The following ADD1 variants were observed in gnomAD, a reference collection of about 807,000 sequenced individuals.
ADD1 encodes alpha-adducin.
In ADD1, 24 loss-of-function variants were observed where a neutral mutation model predicts 80.5. The ratio of observed to expected loss-of-function variants is 0.30; its 90% CI spans 0.22 to 0.42. ADD1 has a LOEUF of 0.42. ADD1 is among the 10% of genes least tolerant of loss of function. The pLI, the probability that ADD1 is intolerant of heterozygous loss-of-function variation, is 1.00. For synonymous variants in ADD1, 373 were observed against 393.8 expected (o/e 0.95, Z 0.63); for missense variants, 948 against 1,019.0 (o/e 0.93, Z 0.95).
chr4:2,860,885 A>G (rs1004397895), intron 1 of ADD1, among the ~76,000 whole-genome samples: 8 of 152,222 alleles, frequency 5.3e-5, no homozygotes, highest in African/African-American at 1.7e-4. Flanking sequence ...TTTGAACTCA[A>G]GCAGTCTAGC....
intron 1 of ADD1, among the ~76,000 whole-genome samples, chr4:2,872,689 T>G (rs1730640420): frequency 6.6e-6 from 1 of 152,198 alleles, no homozygotes; most frequent in Non-Finnish European, 1.5e-5. Context: ...CCTGAGTAGC[T>G]GAGACTACAG....
At chr4:2,858,378 T>C (rs888035219) in intron 1 of ADD1, among the ~76,000 whole-genome samples, 1 of 152,100 alleles carries the variant, frequency 6.6e-6, no homozygotes, top group Non-Finnish European at 1.5e-5. Flanking sequence ...GATTCTCATT[T>C]TACAGATGAA....
At chr4:2,864,644 C>T (rs926436054) in intron 1 of ADD1, among the ~76,000 whole-genome samples, 1 of 151,838 alleles carries the variant, frequency 6.6e-6, no homozygotes, top group Non-Finnish European at 1.5e-5. Context: ...GCCAGGTGGC[C>T]CTATGCTTAT....
chr4:2,904,191 T>A (rs1182555572), intron 9 of ADD1, among the ~76,000 whole-genome samples: 2 of 152,226 alleles, frequency 1.3e-5, no homozygotes, highest in East Asian at 3.9e-4. Flanking sequence ...AGTGTTCAGT[T>A]TGTTCATTTT....
intron 2 of ADD1, 149 bp downstream of exon 2, chr4:2,876,259 ATTCAG>A: frequency 1.6e-6 from 1 of 641,612 alleles, no homozygotes; most frequent in Non-Finnish European, 2.5e-6. Context: ...TGTTGAAAGA[ATTCAG>A]TTCAGTTCAT....
intron 10 of ADD1, among the ~76,000 whole-genome samples, chr4:2,906,643 CTT>C (rs1380194396): frequency 6.6e-6 from 1 of 152,202 alleles, no homozygotes; most frequent in African/African-American, 2.4e-5. Flanking sequence ...AGGTTGGTAT[CTT>C]TTCATTTATA....
rs1279233375 is a variant in ADD1, at chr4:2,894,460, G to A, written c.592-122G>A. The A allele has an allele frequency of 8.5e-5, 71 of 838,548 alleles. No homozygotes were observed. The South Asian group carries it at 9.8e-4, about 12-fold the overall frequency. The allele number at this position is 838,548 out of a possible 1,614,324, so 51.9% of individuals were successfully genotyped here. On this transcript the variant is annotated intron_variant, in intron 5 of 15. Coordinates refer to ENST00000683351, the MANE Select transcript of ADD1 (RefSeq NM_001354761.2). ...TGTTTGAACCTGGGAGGTGGAGGCC[G>A]AGGTCGCACCACTGCACTCCAGCCT...
intron 1 of ADD1, among the ~76,000 whole-genome samples, chr4:2,849,065 C>G (rs1726689131): frequency 6.6e-6 from 1 of 152,092 alleles, no homozygotes; most frequent in African/African-American, 2.4e-5. Context: ...GTAGATGTTT[C>G]CAGATTATCC....
At chr4:2,909,263 G>C (rs1378988774) in intron 12 of ADD1, 76 bp from the exon 13 acceptor site, 2 of 1,282,286 alleles carry the variant, frequency 1.6e-6, no homozygotes, top group African/African-American at 3.0e-5. Context: ...CTCTTAGCCA[G>C]CTCCATCCTG....
At chr4:2,910,584 A>C (rs1055170147) in intron 13 of ADD1, among the ~76,000 whole-genome samples, 1 of 152,006 alleles carries the variant, frequency 6.6e-6, no homozygotes, top group Non-Finnish European at 1.5e-5. Context: ...TGTGCAGGCC[A>C]TGAGCCCAGC....
At position 2,919,254 on chromosome 4, in the gene ADD1, T is replaced by C. The variant is rs192059504; in HGVS notation, c.1948+4214T>C. Among the ~76,000 whole-genome samples, 1,413 of 152,330 alleles carry C rather than the reference T, an allele frequency of 9.3e-3. 24 individuals are homozygous for C. The highest frequency in any genetic ancestry group is 0.032 in the African/African-American group (1,329 of 41,572). The stretch of plus-strand genomic sequence containing the variant: ...TTTGCCAGTATTTCATTGAGGATTT[T>C]TGCATTGATGTTCATCAGGGATATT... On this transcript the variant is annotated intron_variant, in intron 14 of 15. Transcript: ENST00000683351.
rs1189586544 is a variant in ADD1, at chr4:2,928,600, C to G, written c.*77C>G. The G allele has an allele frequency of 2.0e-6, 3 of 1,486,698 alleles. No individual in the cohort carries two copies. Among genetic ancestry groups the G allele is most frequent in the Non-Finnish European group, 2.8e-6 (3 of 1,088,730 alleles). 92.1% of individuals were successfully genotyped at this position (1,486,698 alleles called of 1,614,324 possible). ...TCCCCGGCCACGTCTGTGCTCTGTC[C>G]TTGTGTAATGGAATGCAAAAAAGCC... On this transcript the variant is annotated 3_prime_UTR_variant, in exon 16 of 16. Transcript: ENST00000683351.
At chr4:2,852,247 C>CTTTCTTTCTCTT (rs57425059) in intron 1 of ADD1, among the ~76,000 whole-genome samples, 1 of 66,254 alleles carries the variant, frequency 1.5e-5, no homozygotes, top group African/African-American at 5.3e-5. Flanking sequence ...TTCTTTCTTT[C>CTTTCTTTCTCTT]TCTTTCTTTC....
chr4:2,908,745 G>T, intron 12 of ADD1, 141 bp downstream of exon 12: 1 of 723,554 alleles, frequency 1.4e-6, no homozygotes. Context: ...CCTTCATGAT[G>T]AGAAACGGTT....
chr4:2,909,302 G>T, intron 12 of ADD1, 37 bp from the exon 13 acceptor site: 1 of 1,500,734 alleles, frequency 6.7e-7, no homozygotes, highest in African/African-American at 1.4e-5. Context: ...CACAGGCTGG[G>T]CCTGGTGTGC....
chr4:2,876,141 T>C (rs1218962755), intron 2 of ADD1, 31 bp downstream of exon 2: 3 of 1,588,348 alleles, frequency 1.9e-6, no homozygotes. Context: ...TCTGACCAGA[T>C]GTCATCTTTC....
At chr4:2,923,884 G>T (rs1003727444) in intron 14 of ADD1, among the ~76,000 whole-genome samples, 7 of 152,256 alleles carry the variant, frequency 4.6e-5, no homozygotes, top group African/African-American at 1.7e-4. Flanking sequence ...GGACAGAAGC[G>T]CACTGCCTTC....
chr4:2,911,893 G>A (rs937559382), intron 13 of ADD1, among the ~76,000 whole-genome samples: 8 of 152,220 alleles, frequency 5.3e-5, no homozygotes, highest in African/African-American at 1.9e-4. Context: ...ACCTCACCAG[G>A]GGCTGTGTTC....
Position 2,894,742 on chromosome 4 carries a change from G to A in ADD1, c.741+11G>A. On this transcript the variant is annotated intron_variant, in intron 6 of 15. Coordinates refer to ENST00000683351, the MANE Select transcript of ADD1 (RefSeq NM_001354761.2). ...CCAGCAGGGGCTGCGGTGAGTGGCT[G>A]CCCTGGTAGCATCTCAAGGTCTAAA... 6.3e-7 allele frequency: 1 copy of A among 1,588,812 alleles called. No homozygotes were observed. The highest frequency in any genetic ancestry group is 8.5e-7 in the Non-Finnish European group (1 of 1,172,518).
Sources: allele counts gnomAD v4.1 joint callset (sites outside exome capture counted in the v4.1 genomes callset), GRCh38; gene constraint gnomAD v4.1.1; transcripts MANE v1.5; gene names NCBI Gene and HGNC (gene_info 2026-07-23, HGNC 2026-07-21).